Variants in PTPRD observed in about 807,000 individuals in gnomAD.
PTPRD encodes receptor-type tyrosine-protein phosphatase delta.
PTPRD carries 34 observed loss-of-function variants against 214.5 expected under a neutral mutation model. The ratio of observed to expected loss-of-function variants is 0.16; its 90% CI spans 0.12 to 0.21. The LOEUF (loss-of-function observed/expected upper bound fraction) is 0.21, where lower values mean the gene tolerates loss of function less well. Among genes scored for constraint, PTPRD ranks in the 10% least tolerant of loss-of-function variants. The pLI is 1.00. For missense variants in PTPRD, 2,545 were observed against 2,398.7 expected, an observed-to-expected ratio of 1.06 and a Z score of -1.27; for synonymous variants, 1,128 against 845.7, an observed-to-expected ratio of 1.33 and a Z score of -5.79.
intron 3 of PTPRD, among the ~76,000 whole-genome samples, chr9:10,211,630 T>C (rs959121854): frequency 1.3e-5 from 2 of 152,170 alleles, no homozygotes; most frequent in Middle Eastern, 3.2e-3. Context: ...AAATAGAAAT[T>C]ACATAATGTC....
intron 12 of PTPRD, among the ~76,000 whole-genome samples, chr9:8,705,181 C>T (rs946040185): frequency 1.3e-5 from 2 of 152,110 alleles, no homozygotes; most frequent in Non-Finnish European, 2.9e-5. Context: ...ATGTATTATT[C>T]CCTTAATGAG....
intron 5 of PTPRD, among the ~76,000 whole-genome samples, chr9:9,889,740 G>T (rs1451525678): frequency 6.6e-6 from 1 of 151,956 alleles, no homozygotes; most frequent in African/African-American, 2.4e-5. Flanking sequence ...CAGGATAGAG[G>T]TCCTCTCTTC....
intron 4 of PTPRD, among the ~76,000 whole-genome samples, chr9:10,003,909 A>G (rs547961003): frequency 2.6e-5 from 4 of 151,950 alleles, no homozygotes; most frequent in African/African-American, 9.6e-5. Flanking sequence ...AGACCCTAAT[A>G]CAAATTATTC....
intron 23 of PTPRD, among the ~76,000 whole-genome samples, chr9:8,501,501 C>T (rs1395031308): frequency 6.6e-6 from 1 of 152,108 alleles, no homozygotes; most frequent in East Asian, 1.9e-4. Context: ...CTTCTATATT[C>T]TAGAATGAGG....
chr9:9,930,074 C>G (rs547633580), intron 5 of PTPRD, among the ~76,000 whole-genome samples: 1 of 152,270 alleles, frequency 6.6e-6, no homozygotes, highest in East Asian at 1.9e-4. Flanking sequence ...TGAGATAAAG[C>G]AGAGCTATAG....
intron 8 of PTPRD, among the ~76,000 whole-genome samples, chr9:9,462,854 C>T (rs1218454710): frequency 6.6e-6 from 1 of 152,082 alleles, no homozygotes; most frequent in African/African-American, 2.4e-5. Flanking sequence ...CCTCTTCTAC[C>T]CCCTTAGTCT....
chr9:8,722,191 A>C (rs1361734512), intron 12 of PTPRD, among the ~76,000 whole-genome samples: 1 of 151,318 alleles, frequency 6.6e-6, no homozygotes. Context: ...CAGAATGAAA[A>C]CTGAACCTCA....
intron 11 of PTPRD, among the ~76,000 whole-genome samples, chr9:8,745,059 C>T (rs1166835485): frequency 2.0e-5 from 3 of 152,162 alleles, no homozygotes; most frequent in Non-Finnish European, 4.4e-5. Flanking sequence ...AGTTATATTG[C>T]ACTCATCTTT....
At chr9:9,640,601 G>A (rs2095907981) in intron 7 of PTPRD, among the ~76,000 whole-genome samples, 3 of 152,196 alleles carry the variant, frequency 2.0e-5, no homozygotes, top group Non-Finnish European at 2.9e-5. Flanking sequence ...TAGAAGGTAA[G>A]CCTGTAAGTA....
intron 11 of PTPRD, among the ~76,000 whole-genome samples, chr9:8,755,064 G>A (rs1417357499): frequency 6.6e-6 from 1 of 152,084 alleles, no homozygotes; most frequent in African/African-American, 2.4e-5. Context: ...GTACATGTTG[G>A]GAAGGTTGCA....
chr9:9,613,490 T>A (rs1172191868), intron 7 of PTPRD, among the ~76,000 whole-genome samples: 1 of 152,124 alleles, frequency 6.6e-6, no homozygotes, highest in African/African-American at 2.4e-5. Context: ...TGTTGTGAGT[T>A]TCTTCATGAT....
intron 11 of PTPRD, among the ~76,000 whole-genome samples, chr9:8,753,452 CACTCAAGCTTCTT>C (rs1244043833): frequency 6.6e-6 from 1 of 152,188 alleles, no homozygotes; most frequent in East Asian, 1.9e-4. Context: ...GAAAAGTTTT[CACTCAAGCTTCTT>C]AAAGGAATGA....
At chr9:10,132,543 T>C (rs1231297405) in intron 3 of PTPRD, among the ~76,000 whole-genome samples, 1 of 152,042 alleles carries the variant, frequency 6.6e-6, no homozygotes, top group African/African-American at 2.4e-5. Flanking sequence ...GCTACCTGTG[T>C]TGAGAAAAAT....
intron 5 of PTPRD, among the ~76,000 whole-genome samples, chr9:9,842,296 G>C (rs2058514018): frequency 1.0e-5 from 1 of 98,608 alleles, no homozygotes; most frequent in Non-Finnish European, 2.3e-5. Flanking sequence ...CTGAAGGAGA[G>C]CATTTTTTTT....
At chr9:10,329,195 A>T (rs905484557) in intron 3 of PTPRD, among the ~76,000 whole-genome samples, 2 of 151,758 alleles carry the variant, frequency 1.3e-5, no homozygotes, top group African/African-American at 4.8e-5. Flanking sequence ...TAAGGTCTTA[A>T]CTTATCATTG....
intron 3 of PTPRD, among the ~76,000 whole-genome samples, chr9:10,073,119 G>C (rs2098062055): frequency 6.6e-6 from 1 of 152,062 alleles, no homozygotes; most frequent in Non-Finnish European, 1.5e-5. Flanking sequence ...TGGTTATATG[G>C]GGTTTAGTGG....
At chr9:9,778,319 G>C (rs909845316) in intron 5 of PTPRD, among the ~76,000 whole-genome samples, 9 of 152,158 alleles carry the variant, frequency 5.9e-5, no homozygotes, top group Non-Finnish European at 1.3e-4. Context: ...TAGGATCCTA[G>C]CTACAGGGTA....
intron 2 of PTPRD, among the ~76,000 whole-genome samples, chr9:10,486,949 G>T (rs2099136800): frequency 6.6e-6 from 1 of 152,108 alleles, no homozygotes; most frequent in Admixed American, 6.6e-5. Context: ...TCTCTATTTA[G>T]CTCTAATAAC....
intron 9 of PTPRD, among the ~76,000 whole-genome samples, chr9:9,281,792 G>C (rs1947784593): frequency 6.6e-6 from 1 of 150,972 alleles, no homozygotes. Context: ...ACAAAAATGA[G>C]CACATGAATA....
Sources: gnomAD v4.1 joint callset for allele counts (sites outside exome capture counted in the v4.1 genomes callset) on GRCh38, gnomAD v4.1.1 for gene constraint, MANE v1.5 for transcripts, NCBI Gene and HGNC (gene_info 2026-07-23, HGNC 2026-07-21) for gene names.